Variants in PRELID1 observed in about 807,000 individuals in gnomAD.
PRELID1 encodes the protein PRELI domain containing 1, also known as PRELI domain-containing protein 1, mitochondrial.
PRELID1 carries 15 observed loss-of-function variants against 29.0 expected under a neutral mutation model. That is an observed-to-expected ratio of 0.52 (90% CI 0.35 to 0.80). PRELID1 has a LOEUF of 0.80. PRELID1 is among the 30% of genes least tolerant of loss of function. The pLI, the probability that PRELID1 is intolerant of heterozygous loss-of-function variation, is 0.01. For synonymous variants in PRELID1, 79 were observed against 106.5 expected (o/e 0.74, Z 1.59); for missense variants, 187 against 275.9 (o/e 0.68, Z 2.28).
chr5:177,304,277 A>G, intron 1 of PRELID1, 200 bp downstream of exon 1: 1 of 611,504 alleles, frequency 1.6e-6, no homozygotes, highest in Non-Finnish European at 2.9e-6. Flanking sequence ...ACCTTAGTGT[A>G]AGATTCTTTT....
At chr5:177,306,032 C>T (rs370532722) in intron 3 of PRELID1, 48 bp downstream of exon 3, 34 of 1,600,822 alleles carry the variant, frequency 2.1e-5, no homozygotes, top group African/African-American at 2.0e-4. Context: ...CCAGTGCTTT[C>T]GGTGTTGGGG....
At chr5:177,304,279 G>T (rs1401220893) in intron 1 of PRELID1, 5 of 610,970 alleles carry the variant, frequency 8.2e-6, no homozygotes, top group African/African-American at 3.7e-5. Context: ...CTTAGTGTAA[G>T]ATTCTTTTCT....
Position 177,303,910 on chromosome 5 carries a change from G to C in PRELID1, c.-76G>C. ...GCGGGTGTGCGCCGAGCCCCGGCCC[G>C]GCCCGGCCCTCGCGTGCCTCCCAGG... On this transcript the variant is annotated 5_prime_UTR_variant, in exon 1 of 5. Coordinates refer to ENST00000303204, the MANE Select transcript of PRELID1 (RefSeq NM_013237.4). This position sits in a 1 kb window ranked among gnomAD's most constrained non-coding sequence, Gnocchi z 6.1. 7.5e-7 allele frequency: 1 copy of C among 1,342,184 alleles called. No homozygotes were observed. Among genetic ancestry groups the C allele is most frequent in the South Asian group, 1.2e-5 (1 of 80,626 alleles). 83.1% of individuals were successfully genotyped at this position (1,342,184 alleles called of 1,614,324 possible).
At chr5:177,306,280 T>C in intron 4 of PRELID1, 104 bp downstream of exon 4, 1 of 1,560,472 alleles carries the variant, frequency 6.4e-7, no homozygotes, top group Non-Finnish European at 8.8e-7. Context: ...CTGGGACTCC[T>C]TGTCTGTACT....
At position 177,304,619 on chromosome 5, in the gene PRELID1, C is replaced by G; in HGVS notation, c.93-6C>G. Reference sequence around the variant, plus strand: ...CTGAGGGTCACCTTCACCCTGACACCTGCAGCAAACATGTCTTGACGGAAG... The same window carrying G: ...CTGAGGGTCACCTTCACCCTGACACGTGCAGCAAACATGTCTTGACGGAAG... On this transcript the variant is annotated splice_region_variant and splice_polypyrimidine_tract_variant and intron_variant, in intron 1 of 4. Coordinates refer to ENST00000303204, the MANE Select transcript of PRELID1 (RefSeq NM_013237.4). The G allele has an allele frequency of 1.9e-6, 3 of 1,609,692 alleles. No homozygotes were observed. Among genetic ancestry groups the G allele is most frequent in the Non-Finnish European group, 2.6e-6 (3 of 1,176,076 alleles).
At chr5:177,304,427 C>A in intron 1 of PRELID1, 198 bp from the exon 2 acceptor site, 1 of 682,298 alleles carries the variant, frequency 1.5e-6, no homozygotes, top group Non-Finnish European at 2.7e-6. Flanking sequence ...AGGCAGGAAT[C>A]CAGGTCAGTC....
chr5:177,306,064 A>G, intron 3 of PRELID1, 34 bp from the exon 4 acceptor site: 1 of 1,602,786 alleles, frequency 6.2e-7, no homozygotes, highest in South Asian at 1.1e-5. Context: ...TCAGTGGGCA[A>G]CTCAGTATCC....
chr5:177,304,657 G>A lies in PRELID1; in HGVS notation c.125G>A (p.Arg42Gln), dbSNP rs1760809254. The part of the protein sequence containing the change: ...KHVLTEDIVH[R>Q]EVTPDQKLLS... ...GTCTTGACGGAAGACATAGTACACC[G>A]GGAGGTGACCCCTGACCAGAAACTG... Residue 42 changes from arginine to glutamine, a missense_variant, in exon 2 of 5, where the codon CGG becomes CAG. Arg to Gln is a conservative substitution (Grantham distance 43, BLOSUM62 1). Transcript: ENST00000303204. 1.2e-6 allele frequency: 2 copies of A among 1,613,854 alleles called. No homozygotes were observed. The highest frequency in any genetic ancestry group is 2.2e-5 in the East Asian group (1 of 44,870).
chr5:177,304,895 C>A lies in PRELID1; in HGVS notation c.318+45C>A, dbSNP rs767985985. 2.7e-6 allele frequency: 4 copies of A among 1,479,956 alleles called. No homozygotes were observed. The South Asian group carries it at 4.8e-5, about 18-fold the overall frequency. The allele number at this position is 1,479,956 out of a possible 1,614,324, so 91.7% of individuals were successfully genotyped here. A position where few individuals can be genotyped will look rare whatever the true frequency, so the allele number is the denominator to read the frequency against. ...GATTCTGCACCTCCCCCTCTCCCCT[C>A]CCCCCGAGATAGAGAGCTCCTCAGA... On this transcript the variant is annotated intron_variant, in intron 2 of 4. Transcript: ENST00000303204.
rs371946700 is a variant in PRELID1, at chr5:177,304,616, C to T, written c.93-9C>T. On this transcript the variant is annotated splice_polypyrimidine_tract_variant and intron_variant, in intron 1 of 4. Transcript: ENST00000303204. The stretch of plus-strand genomic sequence containing the variant: ...CTTCTGAGGGTCACCTTCACCCTGA[C>T]ACCTGCAGCAAACATGTCTTGACGG... The T allele has an allele frequency of 6.2e-7, 1 of 1,606,966 alleles. No individual in the cohort carries two copies. The highest frequency in any genetic ancestry group is 8.5e-7 in the Non-Finnish European group (1 of 1,173,612).
In PRELID1 at chr5:177,306,925, A is replaced by G. The variant is rs1760894504; in HGVS notation, c.*355A>G. The G allele has an allele frequency of 4.8e-6, 4 of 827,018 alleles. No individual in the cohort carries two copies. The highest frequency in any genetic ancestry group is 3.4e-4 in the Middle Eastern group (1 of 2,952). 51.2% of individuals were successfully genotyped at this position (827,018 alleles called of 1,614,324 possible). Reference sequence around the variant, plus strand: ...TCTCAGTATCTAGCACATAATAGACACTCAATAAATACTTGTTGAATTCAG... The same window carrying G: ...TCTCAGTATCTAGCACATAATAGACGCTCAATAAATACTTGTTGAATTCAG... On this transcript the variant is annotated 3_prime_UTR_variant, in exon 5 of 5. Coordinates refer to ENST00000303204, the MANE Select transcript of PRELID1 (RefSeq NM_013237.4).
At position 177,306,678 on chromosome 5, in the gene PRELID1, A is replaced by T; in HGVS notation, c.*108A>T. The stretch of plus-strand genomic sequence containing the variant: ...CAACTTCCAGCCCTGTCTGCTGTCT[A>T]CGTGGTGGGTTGTGGGGATGCAGTT... On this transcript the variant is annotated 3_prime_UTR_variant, in exon 5 of 5. Transcript: ENST00000303204. 1 of 1,461,718 alleles carries T rather than the reference A, an allele frequency of 6.8e-7. No homozygotes were observed. The highest frequency in any genetic ancestry group is 9.2e-7 in the Non-Finnish European group (1 of 1,085,568). The allele number at this position is 1,461,718 out of a possible 1,614,324, so 90.5% of individuals were successfully genotyped here. A position where few individuals can be genotyped will look rare whatever the true frequency, so the allele number is the denominator to read the frequency against.
chr5:177,306,728 A>T lies in PRELID1; in HGVS notation c.*158A>T, dbSNP rs1760888296. On this transcript the variant is annotated 3_prime_UTR_variant, in exon 5 of 5. Coordinates refer to ENST00000303204, the MANE Select transcript of PRELID1 (RefSeq NM_013237.4). ...TTGGCATCTGCAGTACACCAAGCAC[A>T]TGATTCATGTCTGAGCCAGGTCTGC... 8.7e-7 allele frequency: 1 copy of T among 1,154,440 alleles called. No individual in the cohort carries two copies. The highest frequency in any genetic ancestry group is 1.6e-5 in the African/African-American group (1 of 64,110). 71.5% of individuals were successfully genotyped at this position (1,154,440 alleles called of 1,614,324 possible).
intron 4 of PRELID1, 44 bp from the exon 5 acceptor site, chr5:177,306,378 C>G (rs200974122): frequency 6.2e-7 from 1 of 1,612,918 alleles, no homozygotes; most frequent in Non-Finnish European, 8.5e-7. Context: ...TTAGGTTGGT[C>G]TTTCAGGCAT....
At chr5:177,305,217 T>TTTTG (rs1014119387) in intron 2 of PRELID1, among the ~76,000 whole-genome samples, 1 of 152,024 alleles carries the variant, frequency 6.6e-6, no homozygotes, top group African/African-American at 2.4e-5. Flanking sequence ...TTTTTCTGTT[T>TTTTG]TTTGTTTTTT....
chr5:177,305,752 G>C, intron 2 of PRELID1, 119 bp from the exon 3 acceptor site: 1 of 820,916 alleles, frequency 1.2e-6, no homozygotes, highest in Non-Finnish European at 2.0e-6. Context: ...GTGCAGTCAG[G>C]GGAAGGAATG....
intron 3 of PRELID1, 28 bp from the exon 4 acceptor site, chr5:177,306,070 T>C: frequency 1.9e-6 from 3 of 1,603,426 alleles, no homozygotes; most frequent in Non-Finnish European, 2.6e-6. Context: ...GGCAACTCAG[T>C]ATCCTTCCCA....
chr5:177,304,574 A>C (rs1760806543), intron 1 of PRELID1, 51 bp from the exon 2 acceptor site: 3 of 1,473,224 alleles, frequency 2.0e-6, no homozygotes, highest in Non-Finnish European at 1.9e-6. Context: ...CCCCTCGGGC[A>C]GTCTCTTAGG....
At chr5:177,305,745 C>G in intron 2 of PRELID1, 126 bp from the exon 3 acceptor site, 1 of 759,420 alleles carries the variant, frequency 1.3e-6, no homozygotes, top group Non-Finnish European at 2.2e-6. Flanking sequence ...CTTGGAGGTG[C>G]AGTCAGGGGA....
Sources: gnomAD v4.1 joint callset for allele counts (sites outside exome capture counted in the v4.1 genomes callset) on GRCh38, gnomAD v4.1.1 for gene constraint, Gnocchi (gnomAD v3.1) non-coding constraint, MANE v1.5 for transcripts, NCBI Gene and HGNC (gene_info 2026-07-23, HGNC 2026-07-21) for gene names.